Variants in MAGI1 observed in about 807,000 individuals in gnomAD.
MAGI1 encodes the protein membrane-associated guanylate kinase, WW and PDZ domain-containing protein 1.
Under a neutral mutation model 139.9 loss-of-function variants are expected in MAGI1, and 58 were observed. The ratio of observed to expected loss-of-function variants is 0.41; its 90% CI spans 0.34 to 0.52. The LOEUF (loss-of-function observed/expected upper bound fraction) is 0.52, where lower values mean the gene tolerates loss of function less well. Ranked by LOEUF, MAGI1 falls within the 20% of genes least tolerant of loss-of-function variation. The pLI is 0.12. For missense variants in MAGI1, 1,874 were observed against 1,901.6 expected (o/e 0.99, Z 0.27); for synonymous variants, 812 against 737.9 (o/e 1.10, Z -1.63).
intron 1 of MAGI1, among the ~76,000 whole-genome samples, chr3:65,981,757 C>A (rs998366493): frequency 6.6e-6 from 1 of 152,072 alleles, no homozygotes; most frequent in Non-Finnish European, 1.5e-5. Context: ...CCCTTTTGCT[C>A]GGTTCTTATT....
Position 65,379,409 on chromosome 3 carries a change from G to T in MAGI1, c.2847C>A (p.Ser949Arg). The T allele has an allele frequency of 6.2e-7, 1 of 1,613,290 alleles. No homozygotes were observed. Among genetic ancestry groups the T allele is most frequent in the Non-Finnish European group, 8.5e-7 (1 of 1,179,502 alleles). Residue 949 changes from serine (S) to arginine (R), a missense_variant, in exon 17 of 23, where the codon AGC becomes AGA. Physicochemically the swap from Ser to Arg is moderately radical, Grantham distance 110 (BLOSUM62 -1). Transcript: ENST00000402939. ...NTVSSGSGST[S>R]GIGSGGGGGS... ...CCCCGCCGCCGCCACTGCCGATGCC[G>T]CTGGTGCTGCCGCTGCCCGAGCTCA... is the stretch of plus-strand genomic sequence containing the variant.
At chr3:65,703,437 C>G (rs1201432956) in intron 1 of MAGI1, among the ~76,000 whole-genome samples, 2 of 152,180 alleles carry the variant, frequency 1.3e-5, no homozygotes, top group African/African-American at 4.8e-5. Flanking sequence ...ACTCCAGGTG[C>G]CCTTTCTCAT....
At chr3:65,990,001 G>A (rs1457100074) in intron 1 of MAGI1, among the ~76,000 whole-genome samples, 1 of 152,258 alleles carries the variant, frequency 6.6e-6, no homozygotes, top group Non-Finnish European at 1.5e-5. Flanking sequence ...GGTTCAGGTG[G>A]TACACAGATA....
intron 1 of MAGI1, among the ~76,000 whole-genome samples, chr3:65,822,518 A>C (rs2042003251): frequency 1.3e-5 from 2 of 152,150 alleles, no homozygotes; most frequent in Admixed American, 1.3e-4. Flanking sequence ...ACAGAGCGAG[A>C]CTCTGTCTCA....
intron 18 of MAGI1, among the ~76,000 whole-genome samples, chr3:65,366,676 T>C (rs1182538045): frequency 1.3e-5 from 2 of 152,144 alleles, no homozygotes; most frequent in Non-Finnish European, 2.9e-5. Context: ...AGTTTTCTCG[T>C]GTGCACATTG....
At chr3:65,590,423 T>C (rs1466893775) in intron 2 of MAGI1, among the ~76,000 whole-genome samples, 3 of 152,380 alleles carry the variant, frequency 2.0e-5, no homozygotes, top group South Asian at 2.1e-4. Context: ...TTTGACCTTG[T>C]ATAACTGTAA....
chr3:65,578,132 C>T (rs2081257765), intron 2 of MAGI1, among the ~76,000 whole-genome samples: 1 of 152,188 alleles, frequency 6.6e-6, no homozygotes, highest in Non-Finnish European at 1.5e-5. Flanking sequence ...TTTCCTCCAG[C>T]CGCCAAGACA....
intron 1 of MAGI1, among the ~76,000 whole-genome samples, chr3:65,736,702 A>G (rs2107760034): frequency 1.3e-5 from 2 of 152,230 alleles, no homozygotes; most frequent in African/African-American, 4.8e-5. Context: ...CTTCCTCCAT[A>G]TTTGTGTTCT....
At chr3:65,833,308 G>A (rs1304820868) in intron 1 of MAGI1, among the ~76,000 whole-genome samples, 35 of 152,116 alleles carry the variant, frequency 2.3e-4, no homozygotes. Flanking sequence ...TAGTAGAGAG[G>A]GGGTTTCACC....
At chr3:65,736,064 C>T (rs1444453645) in intron 1 of MAGI1, among the ~76,000 whole-genome samples, 1 of 152,146 alleles carries the variant, frequency 6.6e-6, no homozygotes, top group Non-Finnish European at 1.5e-5. Flanking sequence ...ATTAAATCTC[C>T]CAGACGCAGA....
At chr3:65,875,088 T>A (rs1377337777) in intron 1 of MAGI1, 1 of 152,512 alleles carries the variant, frequency 6.6e-6, no homozygotes, top group Admixed American at 6.6e-5. Context: ...GAATAAAGAA[T>A]TGACACATGC....
At chr3:65,919,892 T>C (rs2062091428) in intron 1 of MAGI1, among the ~76,000 whole-genome samples, 1 of 152,152 alleles carries the variant, frequency 6.6e-6, no homozygotes, top group Admixed American at 6.5e-5. Context: ...TCCATCATCT[T>C]AACCCCTTTT....
intron 1 of MAGI1, among the ~76,000 whole-genome samples, chr3:66,022,469 A>G (rs924821398): frequency 6.6e-6 from 1 of 152,230 alleles, no homozygotes; most frequent in Non-Finnish European, 1.5e-5. Context: ...TTTAATTTTA[A>G]AAGAAAAATA....
chr3:65,604,480 A>G (rs1456954666), intron 2 of MAGI1, among the ~76,000 whole-genome samples: 1 of 152,218 alleles, frequency 6.6e-6, no homozygotes, highest in Non-Finnish European at 1.5e-5. Context: ...CAGAGAAACG[A>G]TATCAGAGTT....
chr3:65,582,396 C>CA (rs1390854282), intron 2 of MAGI1, among the ~76,000 whole-genome samples: 1 of 152,038 alleles, frequency 6.6e-6, no homozygotes, highest in East Asian at 1.9e-4. Context: ...ATGGTTGGTT[C>CA]AAAAAAATCA....
At chr3:65,745,745 C>CG (rs1237400893) in intron 1 of MAGI1, among the ~76,000 whole-genome samples, 1 of 151,854 alleles carries the variant, frequency 6.6e-6, no homozygotes, top group African/African-American at 2.4e-5. Flanking sequence ...TTTTTCCCCC[C>CG]TTGAGGTAGA....
At chr3:66,002,717 T>C (rs961538510) in intron 1 of MAGI1, among the ~76,000 whole-genome samples, 1 of 152,112 alleles carries the variant, frequency 6.6e-6, no homozygotes, top group African/African-American at 2.4e-5. Context: ...GGTTTCTCCA[T>C]GTTGGTCAGG....
intron 12 of MAGI1, among the ~76,000 whole-genome samples, chr3:65,417,517 C>CTT (rs11435185): frequency 3.3e-4 from 49 of 147,550 alleles, no homozygotes; most frequent in African/African-American, 5.0e-4. Context: ...TATATGGTTT[C>CTT]TTTTTTTTTT....
intron 1 of MAGI1, among the ~76,000 whole-genome samples, chr3:65,814,121 A>G (rs1459842639): frequency 6.6e-6 from 1 of 152,180 alleles, no homozygotes; most frequent in Non-Finnish European, 1.5e-5. Context: ...CCCAGTATCT[A>G]GTAAGCTTCA....
Sources: gnomAD v4.1 joint callset for allele counts (sites outside exome capture counted in the v4.1 genomes callset) on GRCh38, gnomAD v4.1.1 for gene constraint, MANE v1.5 for transcripts, NCBI Gene and HGNC (gene_info 2026-07-23, HGNC 2026-07-21) for gene names.